Variants in TTC7A observed in about 807,000 individuals in gnomAD.
TTC7A encodes the protein tetratricopeptide repeat protein 7A.
Under a neutral mutation model 103.7 loss-of-function variants are expected in TTC7A, and 110 were observed. That is an observed-to-expected ratio of 1.06 (90% CI 0.91 to 1.24). TTC7A has a LOEUF of 1.24. TTC7A is among the 50% of genes most tolerant of loss of function. The pLI, the probability that TTC7A is intolerant of heterozygous loss-of-function variation, is 0.00. For missense variants in TTC7A, 1,340 were observed against 1,116.3 expected (o/e 1.20, Z -2.86); for synonymous variants, 521 against 467.9 (o/e 1.11, Z -1.47).
chr2:46,963,034 G>A (rs1332876112), intron 3 of TTC7A, among the ~76,000 whole-genome samples: 2 of 152,214 alleles, frequency 1.3e-5, no homozygotes, highest in Admixed American at 6.5e-5. Context: ...AGGGTCTGTC[G>A]CTCAGCAGCA....
intron 14 of TTC7A, 74 bp downstream of exon 14, chr2:47,024,433 C>T: frequency 4.4e-6 from 6 of 1,349,054 alleles, no homozygotes; most frequent in Non-Finnish European, 6.1e-6. Context: ...AGCTTACCAG[C>T]TGTGTGACCC....
intron 5 of TTC7A, among the ~76,000 whole-genome samples, chr2:46,990,157 C>T (rs1035157363): frequency 1.3e-5 from 2 of 152,234 alleles, no homozygotes; most frequent in Non-Finnish European, 2.9e-5. Flanking sequence ...ACTGATGTCC[C>T]AGAATCAGCC....
chr2:46,984,893 T>C (rs1440964879), intron 5 of TTC7A, among the ~76,000 whole-genome samples: 2 of 152,014 alleles, frequency 1.3e-5, no homozygotes, highest in East Asian at 3.9e-4. Flanking sequence ...AGCCCGTGGG[T>C]GTGTGGGAGA....
At chr2:47,017,150 A>T (rs1044090376) in intron 11 of TTC7A, among the ~76,000 whole-genome samples, 1 of 149,662 alleles carries the variant, frequency 6.7e-6, no homozygotes, top group Non-Finnish European at 1.5e-5. Context: ...CAGTGAGTCA[A>T]GATCATGCCA....
chr2:46,925,488 G>T lies in TTC7A; in HGVS notation c.82+8211G>T, dbSNP rs372437760. Among the ~76,000 whole-genome samples, 44 of 152,238 alleles carry T rather than the reference G, an allele frequency of 2.9e-4. No individual in the cohort carries two copies. The East Asian group carries it at 5.4e-3, about 19-fold the overall frequency. ...CAGGAGAATCTATTGAACCTGGGAG[G>T]CGGAGGTTGCAGTGAGCTGAGATTA... On this transcript the variant is annotated intron_variant, in intron 2 of 20. Transcript: ENST00000409245.
chr2:46,964,133 G>T (rs1051797016), intron 3 of TTC7A, among the ~76,000 whole-genome samples: 1 of 152,214 alleles, frequency 6.6e-6, no homozygotes, highest in Non-Finnish European at 1.5e-5. Flanking sequence ...AGGCTTGTTC[G>T]ATTGAAGCAC....
chr2:47,056,942 G>A (rs1683373194), intron 18 of TTC7A, among the ~76,000 whole-genome samples: 1 of 152,182 alleles, frequency 6.6e-6, no homozygotes, highest in Admixed American at 6.5e-5. Flanking sequence ...GCTGGATGAT[G>A]ACCTCGACAA....
At chr2:47,046,486 A>G (rs944452699) in intron 16 of TTC7A, 55 bp downstream of exon 16, 175 of 1,425,342 alleles carry the variant, frequency 1.2e-4, no homozygotes, top group Non-Finnish European at 1.6e-4. Context: ...CAGGGCAACA[A>G]TCCACAGCTG....
intron 5 of TTC7A, 42 bp from the exon 6 acceptor site, chr2:46,993,408 G>A (rs1675824218): frequency 6.2e-7 from 1 of 1,600,398 alleles, no homozygotes; most frequent in African/African-American, 1.3e-5. Flanking sequence ...TTCTTTGCGA[G>A]CTAGGCTGGT....
intron 4 of TTC7A, among the ~76,000 whole-genome samples, chr2:46,975,877 C>T (rs890135010): frequency 4.6e-5 from 7 of 152,122 alleles, no homozygotes; most frequent in African/African-American, 1.7e-4. Flanking sequence ...GCTGGGACTA[C>T]AGGCGCCTGC....
At chr2:47,032,726 C>T (rs1452221861) in intron 15 of TTC7A, among the ~76,000 whole-genome samples, 1 of 151,756 alleles carries the variant, frequency 6.6e-6, no homozygotes, top group Non-Finnish European at 1.5e-5. Flanking sequence ...CCATGAGCTC[C>T]TCACCTCCAG....
chr2:47,024,302 G>T lies in TTC7A; in HGVS notation c.1584G>T (p.Ala528=). The T allele has an allele frequency of 1.2e-6, 2 of 1,606,456 alleles. No homozygotes were observed. Among genetic ancestry groups the T allele is most frequent in the Non-Finnish European group, 1.7e-6 (2 of 1,176,174 alleles). Reference sequence around the variant, plus strand: ...CCCCACACAGGGCTCAGCAGCTGGCGCCCAGTGACCCCCAGGTCATCCTCT... The same window carrying T: ...CCCCACACAGGGCTCAGCAGCTGGCTCCCAGTGACCCCCAGGTCATCCTCT... ...LQTLERAQQL[A]PSDPQVILYV... is the part of the protein sequence containing the mutation. Residue 528 remains alanine, a synonymous_variant, in exon 14 of 20, where the codon GCG becomes GCT. Transcript: ENST00000319190.
At chr2:47,052,502 G>A (rs1358790014) in intron 18 of TTC7A, among the ~76,000 whole-genome samples, 1 of 152,204 alleles carries the variant, frequency 6.6e-6, no homozygotes, top group South Asian at 2.1e-4. Context: ...TTTGGCTTCC[G>A]TCTCGTCCAT....
At chr2:46,993,745 A>C (rs1389259062) in intron 6 of TTC7A, among the ~76,000 whole-genome samples, 2 of 152,140 alleles carry the variant, frequency 1.3e-5, no homozygotes, top group African/African-American at 4.8e-5. Flanking sequence ...CTCATGTTAA[A>C]TCAGATTTCA....
At chr2:47,047,250 A>T in intron 16 of TTC7A, 1 of 1,514,020 alleles carries the variant, frequency 6.6e-7, no homozygotes, top group South Asian at 1.2e-5. Flanking sequence ...TCTGGTGTAT[A>T]TTTGTGTTTT....
chr2:47,005,859 G>A (rs776884549), intron 8 of TTC7A, 63 bp from the exon 9 acceptor site: 272 of 1,592,034 alleles, frequency 1.7e-4, no homozygotes, highest in Non-Finnish European at 2.2e-4. Context: ...TGGGGGCCCT[G>A]CGAAGACAGA....
intron 14 of TTC7A, among the ~76,000 whole-genome samples, chr2:47,025,961 C>T (rs531577636): frequency 6.6e-6 from 1 of 152,180 alleles, no homozygotes; most frequent in African/African-American, 2.4e-5. Context: ...ATCTAGTGAA[C>T]GATAAACCTT....
At chr2:47,035,050 C>T (rs1276229701) in intron 15 of TTC7A, among the ~76,000 whole-genome samples, 1 of 152,208 alleles carries the variant, frequency 6.6e-6, no homozygotes, top group Non-Finnish European at 1.5e-5. Context: ...AGCTCAAGGG[C>T]ACTCCTGGGA....
intron 19 of TTC7A, among the ~76,000 whole-genome samples, chr2:47,071,993 CCCT>C (rs1684772352): frequency 6.6e-6 from 1 of 152,226 alleles, no homozygotes. Context: ...AGGGCTCAAA[CCCT>C]CCATTTTTGG....
Sources: gnomAD v4.1 joint callset for allele counts (sites outside exome capture counted in the v4.1 genomes callset) on GRCh38, gnomAD v4.1.1 for gene constraint, MANE v1.5 for transcripts, NCBI Gene and HGNC (gene_info 2026-07-23, HGNC 2026-07-21) for gene names.